Variants in RPS6KA2 observed in about 807,000 individuals in gnomAD.
RPS6KA2 encodes ribosomal protein S6 kinase A2.
RPS6KA2 carries 42 observed loss-of-function variants against 91.8 expected under a neutral mutation model. The ratio of observed to expected loss-of-function variants is 0.46; its 90% CI spans 0.36 to 0.59. The LOEUF (loss-of-function observed/expected upper bound fraction) is 0.59, where lower values mean the gene tolerates loss of function less well. Among genes scored for constraint, RPS6KA2 ranks in the 20% least tolerant of loss-of-function variants. The pLI is 0.00. For missense variants in RPS6KA2, 798 were observed against 978.5 expected (o/e 0.82, Z 2.46); for synonymous variants, 414 against 393.6 (o/e 1.05, Z -0.61).
intron 1 of RPS6KA2, among the ~76,000 whole-genome samples, chr6:166,573,586 T>A (rs1436666407): frequency 1.3e-5 from 2 of 152,232 alleles, no homozygotes; most frequent in African/African-American, 4.8e-5. Context: ...TTTTACAAAG[T>A]GAGCTCGCCA....
intron 2 of RPS6KA2, among the ~76,000 whole-genome samples, chr6:166,758,738 TGAAAA>T (rs1232781576): frequency 2.0e-5 from 3 of 152,026 alleles, no homozygotes; most frequent in African/African-American, 4.8e-5. Context: ...ACACAGGACT[TGAAAA>T]GAAGGAAGCA....
chr6:166,593,058 G>A lies in RPS6KA2; in HGVS notation c.99+33863C>T, dbSNP rs1275816122. 4.6e-5 allele frequency among the ~76,000 whole-genome samples: 7 copies of A among 152,334 alleles called. No homozygotes were observed. In the East Asian group the frequency reaches 9.7e-4, roughly 21 times the overall value. On this transcript the variant is annotated intron_variant, in intron 1 of 20. Coordinates refer to ENST00000265678, the MANE Select transcript of RPS6KA2 (RefSeq NM_021135.6). ...CCTCGACAGACACCAGTGAGCAAAAGAGCAGTTCAGGAGAAAGGCGCAGGA... is the reference window on the plus strand; with the variant it reads ...CCTCGACAGACACCAGTGAGCAAAAAAGCAGTTCAGGAGAAAGGCGCAGGA...
rs556190968 is a variant in RPS6KA2, at chr6:166,502,161, C to G, written c.567-1237G>C. On this transcript the variant is annotated intron_variant, in intron 6 of 20. Coordinates refer to ENST00000265678, the MANE Select transcript of RPS6KA2 (RefSeq NM_021135.6). ...ATGGGGGCCCAGCAATGGGAACGTG[C>G]TTAATGCCACTGAACTGGGCACTTA... 3.9e-5 allele frequency among the ~76,000 whole-genome samples: 6 copies of G among 152,136 alleles called. No homozygotes were observed. The South Asian group carries it at 1.2e-3, about 32-fold the overall frequency.
rs1206860501 is a variant in RPS6KA2, at chr6:166,412,275, C to T, written c.*487G>A. 2.0e-5 allele frequency: 3 copies of T among 153,296 alleles called. No homozygotes were observed. Among genetic ancestry groups the T allele is most frequent in the Non-Finnish European group, 4.4e-5 (3 of 68,558 alleles). The allele number at this position is 153,296 out of a possible 1,614,324, so 9.5% of individuals were successfully genotyped here. ...CACAGTGCCAACCCCGTCATCCAGCCCGTGGGGAGCCCCGGGATGCCAGGT... is the reference window on the plus strand; with the variant it reads ...CACAGTGCCAACCCCGTCATCCAGCTCGTGGGGAGCCCCGGGATGCCAGGT... On this transcript the variant is annotated 3_prime_UTR_variant, in exon 21 of 21. Coordinates refer to ENST00000265678, the MANE Select transcript of RPS6KA2 (RefSeq NM_021135.6). The surrounding 1 kb of genome is among the most constrained non-coding windows in gnomAD (Gnocchi z 4.3).
At chr6:166,712,639 C>T (rs1241006220) in intron 2 of RPS6KA2, among the ~76,000 whole-genome samples, 1 of 152,174 alleles carries the variant, frequency 6.6e-6, no homozygotes, top group Non-Finnish European at 1.5e-5. Flanking sequence ...GTAGTGTGAG[C>T]CTCTCACGCC....
chr6:166,462,741 G>A lies in RPS6KA2; in HGVS notation c.973-3190C>T, dbSNP rs769023007. On this transcript the variant is annotated intron_variant, in intron 11 of 20. Coordinates refer to ENST00000265678, the MANE Select transcript of RPS6KA2 (RefSeq NM_021135.6). ...CTCACACGGCAGCAGGAGGAAGCCC[G>A]CCTCTGCTTTCCCCGTGCTTTCCAC... Among the ~76,000 whole-genome samples the A allele has an allele frequency of 3.9e-4, 59 of 152,304 alleles. 1 individual carries two copies. Among genetic ancestry groups the A allele is most frequent in the Non-Finnish European group, 6.2e-4 (42 of 68,022 alleles).
chr6:166,855,096 C>G (rs367642565), intron 2 of RPS6KA2, among the ~76,000 whole-genome samples: 3 of 152,088 alleles, frequency 2.0e-5, no homozygotes. Context: ...TCAGAAATGC[C>G]GCATGTTCTC....
At chr6:166,562,552 C>T (rs1338523617) in intron 1 of RPS6KA2, among the ~76,000 whole-genome samples, 14 of 152,142 alleles carry the variant, frequency 9.2e-5, no homozygotes, top group Non-Finnish European at 1.8e-4. Context: ...AGGTAGACTG[C>T]CAAGCACAAT....
Position 166,423,426 on chromosome 6 carries a change from C to T in RPS6KA2, c.1582-9G>A, listed in dbSNP as rs1028027489. 5 of 1,602,634 alleles carry T rather than the reference C, an allele frequency of 3.1e-6. No homozygotes were observed. In the Admixed American group the frequency reaches 8.4e-5, roughly 27 times the overall value. On this transcript the variant is annotated splice_polypyrimidine_tract_variant and intron_variant, in intron 16 of 20. Transcript: ENST00000265678. This position sits in a 1 kb window ranked among gnomAD's most constrained non-coding sequence, Gnocchi z 4.8. ...AGGTCTCGATGAACAACCTGCAAGA[C>T]AGAAGGCACAGTGCCTACTTGGGGG...
intron 2 of RPS6KA2, chr6:166,701,144 G>A: frequency 1.2e-6 from 2 of 1,611,942 alleles, no homozygotes; most frequent in Non-Finnish European, 1.7e-6. Context: ...TTCTGTTGTT[G>A]CTGCTGCTTT....
chr6:166,857,826 C>T (rs1780945581), intron 2 of RPS6KA2, among the ~76,000 whole-genome samples: 2 of 152,206 alleles, frequency 1.3e-5, no homozygotes, highest in Admixed American at 1.3e-4. Flanking sequence ...AGCTGTGTCA[C>T]ATGACTTCCA....
At chr6:166,439,273 A>G (rs1779443982) in intron 14 of RPS6KA2, among the ~76,000 whole-genome samples, 1 of 151,982 alleles carries the variant, frequency 6.6e-6, no homozygotes, top group Non-Finnish European at 1.5e-5. Flanking sequence ...ATGCCTGGCT[A>G]ATTTTTGTAT....
intron 12 of RPS6KA2, among the ~76,000 whole-genome samples, chr6:166,456,530 A>G (rs1252619570): frequency 3.3e-5 from 5 of 152,224 alleles, no homozygotes; most frequent in African/African-American, 1.2e-4. Context: ...TCTAGGGGGC[A>G]GCCAAGGTGT....
chr6:166,463,195 C>A (rs1201485190), intron 11 of RPS6KA2: 1 of 152,250 alleles, frequency 6.6e-6, no homozygotes, highest in African/African-American at 2.4e-5. Flanking sequence ...TATGCTTTTT[C>A]TTTCCATGTG....
intron 2 of RPS6KA2, among the ~76,000 whole-genome samples, chr6:166,683,196 T>C (rs1359500473): frequency 6.6e-6 from 1 of 152,238 alleles, no homozygotes; most frequent in Non-Finnish European, 1.5e-5. Context: ...CACATGCATT[T>C]CCACGACAAC....
intron 2 of RPS6KA2, among the ~76,000 whole-genome samples, chr6:166,831,286 T>C (rs2128626494): frequency 1.3e-5 from 2 of 152,290 alleles, no homozygotes; most frequent in South Asian, 4.1e-4. Context: ...ACCGGAGGCC[T>C]CACCAGGGAT....
chr6:166,574,533 C>T lies in RPS6KA2; in HGVS notation c.100-35749G>A, dbSNP rs529818609. Among the ~76,000 whole-genome samples, 21 of 152,292 alleles carry T rather than the reference C, an allele frequency of 1.4e-4. No homozygotes were observed. The East Asian group carries it at 3.9e-3, about 28-fold the overall frequency. ...TGTAGTATTCTATCACGTATATGTA[C>T]CACATTTTCTTTGTCCAATCCACCA... is the stretch of plus-strand genomic sequence containing the variant. On this transcript the variant is annotated intron_variant, in intron 1 of 20. Coordinates refer to ENST00000265678, the MANE Select transcript of RPS6KA2 (RefSeq NM_021135.6).
At chr6:166,478,992 CT>C (rs1279094871) in intron 10 of RPS6KA2, among the ~76,000 whole-genome samples, 3 of 152,220 alleles carry the variant, frequency 2.0e-5, no homozygotes, top group African/African-American at 7.2e-5. Context: ...GCACCTGGCT[CT>C]CGCTTCACTT....
chr6:166,614,259 C>T (rs1487510216), intron 1 of RPS6KA2, among the ~76,000 whole-genome samples: 4 of 152,216 alleles, frequency 2.6e-5, no homozygotes, highest in South Asian at 2.1e-4. Flanking sequence ...TAGATGCAGC[C>T]GAGCTTCCTA....
Sources: allele counts gnomAD v4.1 joint callset (sites outside exome capture counted in the v4.1 genomes callset), GRCh38; gene constraint gnomAD v4.1.1; non-coding constraint Gnocchi (gnomAD v3.1); transcripts MANE v1.5; gene names NCBI Gene and HGNC (gene_info 2026-07-23, HGNC 2026-07-21).